ANKRD28: variants seen among roughly 807,000 people sequenced by gnomAD.
ANKRD28 encodes ankyrin repeat domain 28, also known as serine/threonine-protein phosphatase 6 regulatory ankyrin repeat subunit A.
Under a neutral mutation model 126.5 loss-of-function variants are expected in ANKRD28, and 44 were observed. The observed-to-expected ratio is 0.35, with a 90% confidence interval of 0.27 to 0.45. The LOEUF (loss-of-function observed/expected upper bound fraction) is 0.45, where lower values mean the gene tolerates loss of function less well. Among genes scored for constraint, ANKRD28 ranks in the 20% least tolerant of loss-of-function variants. The probability of loss-of-function intolerance (pLI) is 1.00; values close to 1 mark genes in which losing one functional copy is unlikely to be tolerated. For missense variants in ANKRD28, 1,110 were observed against 1,316.6 expected (o/e 0.84, Z 2.43); for synonymous variants, 442 against 468.5 (o/e 0.94, Z 0.73).
At chr3:15,685,933 C>A in intron 20 of ANKRD28, 69 bp downstream of exon 20, 2 of 1,172,296 alleles carry the variant, frequency 1.7e-6, no homozygotes, top group South Asian at 2.7e-5. Flanking sequence ...ATAAACATAA[C>A]CTAGTTCAGT....
intron 2 of ANKRD28, among the ~76,000 whole-genome samples, chr3:15,775,770 C>T (rs1386048974): frequency 1.3e-5 from 2 of 152,212 alleles, no homozygotes; most frequent in African/African-American, 4.8e-5. Context: ...GCACCACCCT[C>T]CAGGAACTGC....
At chr3:15,826,964 A>G in intron 1 of ANKRD28, among the ~76,000 whole-genome samples, 1 of 152,136 alleles carries the variant, frequency 6.6e-6, no homozygotes, top group East Asian at 1.9e-4. Flanking sequence ...AAAATCTCCT[A>G]TATTAGACAT....
chr3:15,809,152 T>C (rs2060652722), intron 1 of ANKRD28, among the ~76,000 whole-genome samples: 1 of 152,178 alleles, frequency 6.6e-6, no homozygotes, highest in Non-Finnish European at 1.5e-5. Flanking sequence ...CAACACACAG[T>C]AGCCTTCCCT....
chr3:15,822,237 C>T (rs575827127), intron 1 of ANKRD28, among the ~76,000 whole-genome samples: 1 of 152,094 alleles, frequency 6.6e-6, no homozygotes, highest in East Asian at 1.9e-4. Flanking sequence ...GCATTATGTA[C>T]CCCAACACAG....
intron 1 of ANKRD28, among the ~76,000 whole-genome samples, chr3:15,848,219 G>A (rs1207176568): frequency 6.6e-6 from 1 of 152,162 alleles, no homozygotes; most frequent in Non-Finnish European, 1.5e-5. Context: ...CCACAAATTT[G>A]GGAATCACCA....
At position 15,832,725 on chromosome 3, in the gene ANKRD28, T is replaced by A. The variant is rs368418565; in HGVS notation, c.27+26652A>T. 2.0e-5 allele frequency among the ~76,000 whole-genome samples: 3 copies of A among 152,202 alleles called. No individual in the cohort carries two copies. The East Asian group carries it at 5.8e-4, about 29-fold the overall frequency. ...TGCAGTATTTGACTATGTTTCCAAG[T>A]TATTTCACGGAGGATAATGGGCTCC... On this transcript the variant is annotated intron_variant, in intron 1 of 27. Coordinates refer to the ANKRD28 transcript ENST00000399451.
chr3:15,703,737 C>A (rs1475561890), intron 14 of ANKRD28, among the ~76,000 whole-genome samples: 1 of 152,108 alleles, frequency 6.6e-6, no homozygotes, highest in Admixed American at 6.5e-5. Flanking sequence ...AAACAAATAT[C>A]TAAAATGTGG....
At position 15,696,180 on chromosome 3, in the gene ANKRD28, G is replaced by T. The variant is rs753089051; in HGVS notation, c.1613C>A (p.Ala538Glu). Residue 538 changes from alanine to glutamate, a missense_variant, in exon 15 of 28, where the codon GCA becomes GAA. By Grantham distance (107) the Ala-to-Glu change is moderately radical (BLOSUM62 -1). Transcript: ENST00000683139. ...PGIRDKQGYN[A>E]VHYSAAYGHR... ...ACCATAAGCAGCTGAATAATGAACT[G>T]CGTTGTATCCTTGCTTATCACGGAT... The T allele has an allele frequency of 6.3e-7, 1 of 1,594,824 alleles. No homozygotes were observed. Among genetic ancestry groups the T allele is most frequent in the East Asian group, 2.2e-5 (1 of 44,460 alleles).
At chr3:15,857,738 C>T (rs185436890) in intron 1 of ANKRD28, among the ~76,000 whole-genome samples, 2,143 of 152,316 alleles carry the variant, frequency 0.014, 18 homozygotes, top group Non-Finnish European at 0.02. Flanking sequence ...AATCCTGTTT[C>T]TGTTAAAACC....
upstream of ANKRD28, among the ~76,000 whole-genome samples, chr3:15,802,922 C>T (rs1393281843): frequency 6.6e-6 from 1 of 152,066 alleles, no homozygotes; most frequent in Admixed American, 6.6e-5. Flanking sequence ...ATGAACCATA[C>T]ACACAAATAA....
intron 2 of ANKRD28, among the ~76,000 whole-genome samples, chr3:15,774,575 T>C (rs1036275257): frequency 6.6e-6 from 1 of 152,120 alleles, no homozygotes; most frequent in African/African-American, 2.4e-5. Flanking sequence ...AGCAGCAAAA[T>C]GTTAAAAGCA....
chr3:15,825,945 G>A (rs766420855), intron 1 of ANKRD28, among the ~76,000 whole-genome samples: 2 of 151,880 alleles, frequency 1.3e-5, no homozygotes, highest in African/African-American at 2.4e-5. Flanking sequence ...AATAATTATC[G>A]GCAAGTTTGA....
chr3:15,810,206 C>T (rs2125881325), intron 1 of ANKRD28, among the ~76,000 whole-genome samples: 1 of 151,824 alleles, frequency 6.6e-6, no homozygotes, highest in Middle Eastern at 3.4e-3. Context: ...AGTAGGCTAT[C>T]ACAATTAGTT....
chr3:15,844,010 T>G (rs909732555), intron 1 of ANKRD28, among the ~76,000 whole-genome samples: 1 of 151,906 alleles, frequency 6.6e-6, no homozygotes, highest in African/African-American at 2.4e-5. Context: ...TAGGTGATAG[T>G]TGAAGAAAAA....
chr3:15,766,263 G>A lies in ANKRD28; in HGVS notation c.251C>T (p.Ala84Val). 6.2e-7 allele frequency: 1 copy of A among 1,611,160 alleles called. No homozygotes were observed. The highest frequency in any genetic ancestry group is 8.5e-7 in the Non-Finnish European group (1 of 1,178,114). ...TAAAATAAGAAGTTCAATGATTTCT[G>A]CATCTCCAAGGTAAGCTGCGGCGTG... ...PLHAAAYLGD[A>V]EIIELLILSG... The change falls in exon 3 of 28, where the codon GCA becomes GTA. Residue 84 changes from alanine to valine, a missense_variant. Ala to Val is a moderately conservative substitution (Grantham distance 64, BLOSUM62 0). Coordinates refer to ENST00000683139, the MANE Select transcript of ANKRD28 (RefSeq NM_001349278.2).
At chr3:15,821,585 A>G (rs546078956) in intron 1 of ANKRD28, among the ~76,000 whole-genome samples, 1 of 152,316 alleles carries the variant, frequency 6.6e-6, no homozygotes, top group East Asian at 1.9e-4. Context: ...AGGTGGCAAA[A>G]CAGCCAGAAT....
chr3:15,786,005 T>C (rs922737426), intron 2 of ANKRD28, among the ~76,000 whole-genome samples: 6 of 151,850 alleles, frequency 4.0e-5, no homozygotes, highest in Admixed American at 1.3e-4. Context: ...ATGGAGACAA[T>C]GTAAAAAAAA....
At chr3:15,818,110 G>A (rs530786754) in intron 1 of ANKRD28, among the ~76,000 whole-genome samples, 8 of 152,190 alleles carry the variant, frequency 5.3e-5, no homozygotes, top group Middle Eastern at 3.4e-3. Flanking sequence ...CAGAGACAAC[G>A]TAAAGAAAAC....
At chr3:15,704,248 G>A (rs148800607) in intron 14 of ANKRD28, among the ~76,000 whole-genome samples, 140 of 152,104 alleles carry the variant, frequency 9.2e-4, no homozygotes, top group Middle Eastern at 3.4e-3. Flanking sequence ...TGTCTACCAA[G>A]AACGCAGGCA....
Sources: gnomAD v4.1 joint callset for allele counts (sites outside exome capture counted in the v4.1 genomes callset) on GRCh38, gnomAD v4.1.1 for gene constraint, MANE v1.5 for transcripts, NCBI Gene and HGNC (gene_info 2026-07-23, HGNC 2026-07-21) for gene names.